Variants in RNF13 observed in about 807,000 individuals in gnomAD.
RNF13 encodes the protein ring finger protein 13, also known as E3 ubiquitin-protein ligase RNF13.
In RNF13, 19 loss-of-function variants were observed where a neutral mutation model predicts 37.7. The ratio of observed to expected loss-of-function variants is 0.50; its 90% CI spans 0.35 to 0.74. The LOEUF (loss-of-function observed/expected upper bound fraction) is 0.74, where lower values mean the gene tolerates loss of function less well. RNF13 is among the 30% of genes least tolerant of loss of function. RNF13 has a pLI of 0.01. For synonymous variants in RNF13, 144 were observed against 157.8 expected, an observed-to-expected ratio of 0.91 and a Z score of 0.65; for missense variants, 375 against 453.0, an observed-to-expected ratio of 0.83 and a Z score of 1.56.
chr3:149,850,881 GT>G (rs989645896), intron 2 of RNF13, among the ~76,000 whole-genome samples: 1 of 152,190 alleles, frequency 6.6e-6, no homozygotes, highest in African/African-American at 2.4e-5. Context: ...AAAGCATTTT[GT>G]AACTCTGAAG....
chr3:149,944,563 G>A lies in RNF13; in HGVS notation c.701-15493G>A, dbSNP rs191899819. ...TGGCATTTCTCTGATGGCCAGTGAT[G>A]ATGAGCATTTTTTCATGTGTCTGTT... On this transcript the variant is annotated intron_variant, in intron 8 of 9. Coordinates refer to ENST00000392894, the MANE Select transcript of RNF13 (RefSeq NM_183381.3). Among the ~76,000 whole-genome samples the A allele has an allele frequency of 1.4e-3, 212 of 152,336 alleles. 4 individuals carry two copies. The East Asian group carries it at 0.037, about 27-fold the overall frequency.
chr3:149,921,807 A>G (rs1157383877), intron 8 of RNF13, among the ~76,000 whole-genome samples: 5 of 152,152 alleles, frequency 3.3e-5, no homozygotes, highest in African/African-American at 7.2e-5. Flanking sequence ...TCATTTGGGT[A>G]TATACCCTGT....
intron 3 of RNF13, among the ~76,000 whole-genome samples, chr3:149,871,608 T>A (rs1227647807): frequency 6.6e-6 from 1 of 151,960 alleles, no homozygotes; most frequent in Non-Finnish European, 1.5e-5. Context: ...ACACCTTACA[T>A]ACTCAGGCTA....
chr3:149,831,689 G>A (rs756859059), intron 1 of RNF13, among the ~76,000 whole-genome samples: 2 of 152,090 alleles, frequency 1.3e-5, no homozygotes, highest in Non-Finnish European at 2.9e-5. Flanking sequence ...TTGGGGGACT[G>A]TTGGGAAGGC....
intron 6 of RNF13, among the ~76,000 whole-genome samples, chr3:149,905,131 G>A (rs1716257971): frequency 2.0e-5 from 3 of 152,124 alleles, no homozygotes; most frequent in Admixed American, 2.0e-4. Context: ...AAGTGGGATT[G>A]CTAGTTCAGA....
chr3:149,911,292 T>C (rs1716971520), intron 6 of RNF13, among the ~76,000 whole-genome samples: 1 of 152,146 alleles, frequency 6.6e-6, no homozygotes, highest in Non-Finnish European at 1.5e-5. Context: ...GGAGGTTCTT[T>C]TTGGTACCCA....
At chr3:149,956,537 AATC>A (rs1169928533) in intron 8 of RNF13, among the ~76,000 whole-genome samples, 1 of 152,144 alleles carries the variant, frequency 6.6e-6, no homozygotes, top group Non-Finnish European at 1.5e-5. Context: ...AATGGGGAAA[AATC>A]ATGGATGAAC....
chr3:149,909,725 A>G (rs1404152246), intron 6 of RNF13, among the ~76,000 whole-genome samples: 4 of 152,120 alleles, frequency 2.6e-5, no homozygotes, highest in South Asian at 4.1e-4. Flanking sequence ...GAATCTTAGC[A>G]TAATGCTTCC....
chr3:149,932,017 T>G (rs1025045816), intron 8 of RNF13, among the ~76,000 whole-genome samples: 2 of 142,340 alleles, frequency 1.4e-5, no homozygotes, highest in African/African-American at 5.2e-5. Flanking sequence ...AATAACAGGG[T>G]TTTTTTTTAT....
chr3:149,837,609 A>G (rs1346429240), intron 1 of RNF13, among the ~76,000 whole-genome samples: 1 of 152,174 alleles, frequency 6.6e-6, no homozygotes, highest in Non-Finnish European at 1.5e-5. Flanking sequence ...ACTCTCCTTT[A>G]TAAATCCATC....
At chr3:149,886,219 T>C (rs1282974883) in intron 4 of RNF13, among the ~76,000 whole-genome samples, 1 of 152,202 alleles carries the variant, frequency 6.6e-6, no homozygotes, top group Non-Finnish European at 1.5e-5. Context: ...TCTTGGTCTT[T>C]TGTGGTTTCA....
intron 8 of RNF13, among the ~76,000 whole-genome samples, chr3:149,952,997 T>C (rs1463902502): frequency 6.6e-6 from 1 of 152,202 alleles, no homozygotes; most frequent in African/African-American, 2.4e-5. Flanking sequence ...TAAATCTTCA[T>C]TCAGAAAGGC....
intron 4 of RNF13, among the ~76,000 whole-genome samples, chr3:149,894,567 C>T (rs1404305438): frequency 1.3e-5 from 2 of 152,066 alleles, no homozygotes; most frequent in East Asian, 3.8e-4. Context: ...ACACTTAACA[C>T]TCAAACACTC....
At chr3:149,913,594 T>C (rs1717204618) in intron 7 of RNF13, among the ~76,000 whole-genome samples, 1 of 152,216 alleles carries the variant, frequency 6.6e-6, no homozygotes, top group Non-Finnish European at 1.5e-5. Context: ...TATTTCATTA[T>C]CCTGTCTTCC....
intron 8 of RNF13, among the ~76,000 whole-genome samples, chr3:149,944,702 G>A (rs1374033306): frequency 1.3e-5 from 2 of 152,122 alleles, no homozygotes; most frequent in Non-Finnish European, 2.9e-5. Flanking sequence ...GTGGATTCTG[G>A]ATATTAGCCC....
chr3:149,936,357 C>T (rs1485364007), intron 8 of RNF13, among the ~76,000 whole-genome samples: 6 of 152,022 alleles, frequency 3.9e-5, no homozygotes, highest in Non-Finnish European at 7.4e-5. Context: ...GTCTTGAAGG[C>T]CAATGACTCT....
At chr3:149,944,360 AT>A (rs960837608) in intron 8 of RNF13, among the ~76,000 whole-genome samples, 73 of 152,286 alleles carry the variant, frequency 4.8e-4, no homozygotes, top group African/African-American at 1.8e-3. Context: ...GTCAAATGGT[AT>A]TTCTAGTTCT....
chr3:149,835,667 T>TTGTGTG (rs1553751536), intron 1 of RNF13, among the ~76,000 whole-genome samples: 2 of 87,996 alleles, frequency 2.3e-5, no homozygotes, highest in Admixed American at 1.2e-4. Context: ...GTGTGTGTGT[T>TTGTGTG]TGTGTGTGTG....
intron 7 of RNF13, among the ~76,000 whole-genome samples, chr3:149,919,165 A>T (rs537335502): frequency 6.6e-6 from 1 of 152,176 alleles, no homozygotes; most frequent in Non-Finnish European, 1.5e-5. Flanking sequence ...GTATGATTTG[A>T]TATAATAAAT....
Sources: gnomAD v4.1 joint callset for allele counts (sites outside exome capture counted in the v4.1 genomes callset) on GRCh38, gnomAD v4.1.1 for gene constraint, MANE v1.5 for transcripts, NCBI Gene and HGNC (gene_info 2026-07-23, HGNC 2026-07-21) for gene names.